SRFBP1: variants seen among roughly 807,000 people sequenced by gnomAD.
The protein encoded by SRFBP1 is serum response factor-binding protein 1.
A neutral mutation model predicts 45.5 loss-of-function variants in SRFBP1; 47 were observed. The observed-to-expected ratio is 1.03, with a 90% CI of 0.82 to 1.32. The LOEUF is 1.32. Among genes scored for constraint, SRFBP1 ranks in the 40% most tolerant of loss-of-function variants. The pLI, the probability that SRFBP1 is intolerant of heterozygous loss-of-function variation, is 0.00. For missense variants in SRFBP1, 621 were observed against 484.6 expected (o/e 1.28, Z -2.64); for synonymous variants, 203 against 166.3 (o/e 1.22, Z -1.70).
At chr5:121,992,984 A>G (rs1305340522) in intron 3 of SRFBP1, among the ~76,000 whole-genome samples, 2 of 152,106 alleles carry the variant, frequency 1.3e-5, no homozygotes, top group Admixed American at 6.6e-5. Flanking sequence ...CGTGTCTTCT[A>G]CCGACATCTG....
chr5:121,990,772 AGTTG>A (rs1188136937), intron 3 of SRFBP1, among the ~76,000 whole-genome samples: 1 of 152,122 alleles, frequency 6.6e-6, no homozygotes, highest in African/African-American at 2.4e-5. Flanking sequence ...TGTAAGCAAA[AGTTG>A]TTTGTTTTAT....
chr5:122,020,151 C>A lies in SRFBP1; in HGVS notation c.416C>A (p.Ala139Asp). The A allele has an allele frequency of 6.2e-7, 1 of 1,603,794 alleles. No homozygotes were observed. Among genetic ancestry groups the A allele is most frequent in the East Asian group, 2.2e-5 (1 of 44,802 alleles). ...NVAEVESSKN[A>D]SEDNHSENTL... ...GCTGAAGTTGAGTCATCAAAGAATG[C>A]TTCAGAGGACAATCATTCTGAGAAT... is the stretch of plus-strand genomic sequence containing the variant. Residue 139 changes from alanine (A) to aspartate (D), a missense_variant, in exon 6 of 8, where the codon GCT becomes GAT. Ala to Asp is a moderately radical substitution (Grantham distance 126). Coordinates refer to ENST00000339397, the MANE Select transcript of SRFBP1 (RefSeq NM_152546.3).
At chr5:122,036,008 T>G (rs1461535356) in intron 2 of SRFBP1, among the ~76,000 whole-genome samples, 2 of 152,210 alleles carry the variant, frequency 1.3e-5, no homozygotes, top group Non-Finnish European at 2.9e-5. Context: ...TGGTCCTTTG[T>G]GTTTTCCCCA....
At chr5:121,978,754 A>G (rs939609972) in intron 3 of SRFBP1, among the ~76,000 whole-genome samples, 1 of 152,150 alleles carries the variant, frequency 6.6e-6, no homozygotes, top group Non-Finnish European at 1.5e-5. Flanking sequence ...GGCCTCCCAT[A>G]GTACTGGGAT....
chr5:122,047,342 A>G (rs1346496377), intron 2 of SRFBP1, among the ~76,000 whole-genome samples: 1 of 152,120 alleles, frequency 6.6e-6, no homozygotes, highest in Non-Finnish European at 1.5e-5. Context: ...GGTTTGTCAA[A>G]CATCAGATGG....
At chr5:122,004,847 G>A (rs1218350787) in intron 4 of SRFBP1, among the ~76,000 whole-genome samples, 1 of 151,950 alleles carries the variant, frequency 6.6e-6, no homozygotes, top group Non-Finnish European at 1.5e-5. Flanking sequence ...TGTTGTGTTT[G>A]CATTATCATT....
intron 4 of SRFBP1, among the ~76,000 whole-genome samples, chr5:122,016,810 A>G (rs1365545291): frequency 6.6e-6 from 1 of 152,190 alleles, no homozygotes; most frequent in East Asian, 1.9e-4. Context: ...TACTTAAATG[A>G]ATGGTCCATG....
intron 1 of SRFBP1, among the ~76,000 whole-genome samples, chr5:121,971,037 T>G (rs1330281222): frequency 6.6e-6 from 1 of 151,828 alleles, no homozygotes. Flanking sequence ...TTCTGACCAG[T>G]GGAAATGGTA....
intron 2 of SRFBP1, chr5:122,070,082 A>G (rs1754406700): frequency 4.3e-6 from 7 of 1,612,884 alleles, no homozygotes; most frequent in Non-Finnish European, 5.1e-6. Context: ...AGGCATACGC[A>G]TGATGTCCTG....
intron 2 of SRFBP1, among the ~76,000 whole-genome samples, chr5:122,047,483 T>G (rs1283115385): frequency 6.6e-6 from 1 of 152,214 alleles, no homozygotes; most frequent in Non-Finnish European, 1.5e-5. Context: ...GGTAGCTTGA[T>G]GCCTCCAGCT....
downstream of SRFBP1, chr5:122,077,362 G>T: frequency 6.2e-7 from 1 of 1,613,832 alleles, no homozygotes; most frequent in South Asian, 1.1e-5. This position sits in a 1 kb window ranked among gnomAD's most constrained non-coding sequence, Gnocchi z 4.9. Flanking sequence ...TACCGTACTG[G>T]AAGTAGCCAG....
chr5:122,051,519 C>CT (rs560355488), intron 2 of SRFBP1, among the ~76,000 whole-genome samples: 4,679 of 142,388 alleles, frequency 0.033, 171 homozygotes, highest in African/African-American at 0.086. Flanking sequence ...CCTTCTTTAT[C>CT]TTTTTTTTTT....
In SRFBP1 at chr5:122,066,809, AACAG is replaced by A. The variant is rs1369013856; in HGVS notation, n.312-8502_312-8499del. On this transcript the variant is annotated intron_variant and non_coding_transcript_variant, in intron 2 of 2. Transcript: ENST00000504881. The stretch of plus-strand genomic sequence containing the variant: ...ACCTGATAATATAATGAATGAGTAC[AACAG>A]ACAAATTTAAAGTCAACCTTTTAAA... 1.3e-5 allele frequency: 14 copies of A among 1,048,982 alleles called. No individual in the cohort carries two copies. In the Admixed American group the frequency reaches 2.6e-4, roughly 20 times the overall value. The allele number at this position is 1,048,982 out of a possible 1,614,324, so 65.0% of individuals were successfully genotyped here.
At chr5:121,997,642 A>C (rs943772441) in intron 4 of SRFBP1, among the ~76,000 whole-genome samples, 3 of 151,470 alleles carry the variant, frequency 2.0e-5, no homozygotes, top group African/African-American at 7.3e-5. Flanking sequence ...AAGCAATGGC[A>C]ACAAAAGACA....
rs544385477 is a variant in SRFBP1, at chr5:122,020,703, A to T, written c.968A>T (p.His323Leu). 13 of 1,613,554 alleles carry T rather than the reference A, an allele frequency of 8.1e-6. No individual in the cohort carries two copies. In the East Asian group the frequency reaches 2.5e-4, roughly 30 times the overall value. Reference protein sequence around the residue: ...VFLKEDTGETHGDTRNDKIKP... With the variant: ...VFLKEDTGETLGDTRNDKIKP... ...CTTAAAGAAGATACAGGTGAAACTC[A>T]TGGGGATACAAGAAATGACAAAATC... The change falls in exon 6 of 8, where the codon CAT (histidine) becomes CTT (leucine). Residue 323 changes from histidine (H) to leucine (L), a missense_variant. His to Leu is a moderately conservative substitution (Grantham distance 99). Coordinates refer to ENST00000339397, the MANE Select transcript of SRFBP1 (RefSeq NM_152546.3).
At chr5:122,057,038 C>T (rs1166128455) in intron 2 of SRFBP1, among the ~76,000 whole-genome samples, 1 of 152,124 alleles carries the variant, frequency 6.6e-6, no homozygotes, top group Admixed American at 6.5e-5. Flanking sequence ...ATTGAAAAAT[C>T]TGAGGAAGAA....
intron 4 of SRFBP1, among the ~76,000 whole-genome samples, chr5:122,005,074 C>T (rs376972324): frequency 1.3e-5 from 2 of 152,106 alleles, no homozygotes; most frequent in African/African-American, 4.8e-5. Context: ...AGCATATCAT[C>T]TGTTTGGGAG....
chr5:122,043,013 A>T lies in SRFBP1; in HGVS notation n.311+20606A>T, dbSNP rs1180233502. ...AAACAGTCAATATTCATGTAGATTTACCCACGTTTACCAGTTTCTGTGTTC... is the reference window on the plus strand; with the variant it reads ...AAACAGTCAATATTCATGTAGATTTTCCCACGTTTACCAGTTTCTGTGTTC... On this transcript the variant is annotated intron_variant and non_coding_transcript_variant, in intron 2 of 2. Coordinates refer to the SRFBP1 transcript ENST00000504881. Among the ~76,000 whole-genome samples the T allele has an allele frequency of 2.0e-5, 3 of 152,180 alleles. No individual in the cohort carries two copies. The East Asian group carries it at 5.8e-4, about 29-fold the overall frequency.
At chr5:122,056,320 G>T (rs546038416) in intron 2 of SRFBP1, among the ~76,000 whole-genome samples, 5 of 152,178 alleles carry the variant, frequency 3.3e-5, no homozygotes, top group African/African-American at 1.2e-4. Flanking sequence ...ATGTAAATAA[G>T]GAAGAAGAGA....
Sources: allele counts gnomAD v4.1 joint callset (sites outside exome capture counted in the v4.1 genomes callset), GRCh38; gene constraint gnomAD v4.1.1; non-coding constraint Gnocchi (gnomAD v3.1); transcripts MANE v1.5; gene names NCBI Gene and HGNC (gene_info 2026-07-23, HGNC 2026-07-21).